The following PTPRR variants were observed in gnomAD, a reference collection of about 807,000 sequenced individuals.
PTPRR encodes the protein protein tyrosine phosphatase receptor type R.
In PTPRR, 38 loss-of-function variants were observed where a neutral mutation model predicts 77.2. The observed-to-expected ratio is 0.49, with a 90% CI of 0.38 to 0.65. PTPRR has a LOEUF of 0.65. PTPRR is among the 30% of genes least tolerant of loss of function. PTPRR has a pLI of 0.00. For synonymous variants in PTPRR, 299 were observed against 283.1 expected, an observed-to-expected ratio of 1.06 and a Z score of -0.57; for missense variants, 744 against 799.2, an observed-to-expected ratio of 0.93 and a Z score of 0.83.
chr12:70,769,211 A>G (rs1271538367), intron 2 of PTPRR, among the ~76,000 whole-genome samples: 1 of 150,146 alleles, frequency 6.7e-6, no homozygotes. Context: ...GAAAAGAGGA[A>G]GTCAAATTGT....
chr12:70,725,827 CTG>C lies in PTPRR; in HGVS notation c.1007+19989_1007+19990del, dbSNP rs1436592402. On this transcript the variant is annotated intron_variant, in intron 6 of 13. Transcript: ENST00000283228. ...GTCAAAGAGTTAAATATCTGGCTCT[CTG>C]AGACATACAGGCCAATATTTCTAGA... Among the ~76,000 whole-genome samples the C allele has an allele frequency of 3.9e-5, 6 of 152,268 alleles. No homozygotes were observed. In the East Asian group the frequency reaches 1.2e-3, roughly 29 times the overall value.
Position 70,884,691 on chromosome 12 carries a change from C to T in PTPRR, c.357+7988G>A, listed in dbSNP as rs187401607. 3.2e-3 allele frequency among the ~76,000 whole-genome samples: 470 copies of T among 148,190 alleles called. 1 individual carries two copies. Among genetic ancestry groups the T allele is most frequent in the Non-Finnish European group, 5.7e-3 (381 of 67,302 alleles). On this transcript the variant is annotated intron_variant, in intron 2 of 13. Transcript: ENST00000283228. ...GACCATCCTGGCTAACACGGTGAAA[C>T]CCCGTCTCTACTAAAAAATACAAAA...
At chr12:70,914,657 G>A (rs1167472137) in intron 1 of PTPRR, among the ~76,000 whole-genome samples, 2 of 152,066 alleles carry the variant, frequency 1.3e-5, no homozygotes, top group Non-Finnish European at 2.9e-5. Flanking sequence ...AAAAATAGTT[G>A]TATATAAGAT....
Position 70,784,280 on chromosome 12 carries a change from C to T in PTPRR, c.358-19502G>A, listed in dbSNP as rs189117350. Among the ~76,000 whole-genome samples, 18 of 152,324 alleles carry T rather than the reference C, an allele frequency of 1.2e-4. No homozygotes were observed. In the East Asian group the frequency reaches 3.5e-3, roughly 29 times the overall value. ...GTTGCACCTGGGGAGCTCCCACCTG[C>T]CAACTTGGAAGGGGCAGGGCTCCCG... is the stretch of plus-strand genomic sequence containing the variant. On this transcript the variant is annotated intron_variant, in intron 2 of 13. Coordinates refer to ENST00000283228, the MANE Select transcript of PTPRR (RefSeq NM_002849.4).
intron 5 of PTPRR, among the ~76,000 whole-genome samples, chr12:70,750,866 C>A (rs982057504): frequency 1.3e-5 from 2 of 151,810 alleles, no homozygotes; most frequent in Non-Finnish European, 2.9e-5. Flanking sequence ...GTAGCTGGGA[C>A]TACAGGCATG....
intron 10 of PTPRR, among the ~76,000 whole-genome samples, chr12:70,681,971 C>G (rs1264954477): frequency 1.3e-5 from 2 of 150,944 alleles, no homozygotes; most frequent in African/African-American, 4.9e-5. Context: ...ATAAGAAGGC[C>G]AGACTTAGGC....
intron 5 of PTPRR, among the ~76,000 whole-genome samples, chr12:70,751,793 A>G (rs143953046): frequency 1.3e-5 from 2 of 152,318 alleles, no homozygotes; most frequent in East Asian, 3.9e-4. Flanking sequence ...CGTTATTAAC[A>G]TCTTGCATTG....
chr12:70,760,314 G>A (rs1051772495), intron 4 of PTPRR, among the ~76,000 whole-genome samples: 2 of 152,112 alleles, frequency 1.3e-5, no homozygotes, highest in South Asian at 2.1e-4. Flanking sequence ...CACATTTTAC[G>A]TGTGGCTTTG....
chr12:70,908,041 A>AT (rs1893648343), intron 1 of PTPRR, among the ~76,000 whole-genome samples: 1 of 152,186 alleles, frequency 6.6e-6, no homozygotes. Flanking sequence ...GCTAAAATAT[A>AT]ATTGTTTTCA....
intron 12 of PTPRR, among the ~76,000 whole-genome samples, chr12:70,659,341 G>A (rs950330793): frequency 6.6e-6 from 1 of 152,130 alleles, no homozygotes; most frequent in Non-Finnish European, 1.5e-5. Flanking sequence ...ACATGGATGA[G>A]GTCAGAAGGG....
At chr12:70,878,159 C>A (rs1893084734) in intron 2 of PTPRR, among the ~76,000 whole-genome samples, 1 of 152,126 alleles carries the variant, frequency 6.6e-6, no homozygotes, top group Non-Finnish European at 1.5e-5. Flanking sequence ...AGACGAAAAC[C>A]TAGGCAATAC....
chr12:70,787,027 G>A (rs1891337639), intron 2 of PTPRR, among the ~76,000 whole-genome samples: 1 of 152,172 alleles, frequency 6.6e-6, no homozygotes, highest in South Asian at 2.1e-4. Flanking sequence ...TTTCCACAAT[G>A]TGTTATTTTA....
At chr12:70,856,503 G>T (rs558053836) in intron 2 of PTPRR, among the ~76,000 whole-genome samples, 1 of 152,234 alleles carries the variant, frequency 6.6e-6, no homozygotes, top group Admixed American at 6.5e-5. Context: ...ATTTTCAGGG[G>T]TAAGATGTTG....
chr12:70,771,512 C>T (rs1440993019), intron 2 of PTPRR, among the ~76,000 whole-genome samples: 3 of 151,944 alleles, frequency 2.0e-5, no homozygotes, highest in Admixed American at 6.6e-5. Context: ...GTTCCCATGT[C>T]GCAAACCTGC....
chr12:70,711,138 A>C (rs4760893), intron 6 of PTPRR, among the ~76,000 whole-genome samples: 120,525 of 151,872 alleles, frequency 0.79, 49,715 homozygotes, highest in East Asian at 1. Flanking sequence ...CGGAATCAAC[A>C]TAAATGCCCA....
intron 2 of PTPRR, 27 bp downstream of exon 2, chr12:70,892,652 T>G: frequency 6.2e-7 from 1 of 1,605,946 alleles, no homozygotes; most frequent in East Asian, 2.2e-5. Context: ...AACATCAGCC[T>G]CAGCATCAGT....
chr12:70,672,064 T>G, intron 10 of PTPRR: 3 of 1,320,662 alleles, frequency 2.3e-6, no homozygotes, highest in Non-Finnish European at 3.3e-6. Context: ...TGGAGAATGG[T>G]GGAAGGGTTA....
intron 2 of PTPRR, among the ~76,000 whole-genome samples, chr12:70,886,794 CTCAT>C (rs1391351136): frequency 6.6e-6 from 1 of 152,082 alleles, no homozygotes; most frequent in Non-Finnish European, 1.5e-5. Context: ...TTGGCATCAA[CTCAT>C]TCTTTCATCA....
intron 13 of PTPRR, among the ~76,000 whole-genome samples, chr12:70,655,499 T>C (rs1886542995): frequency 6.6e-6 from 1 of 152,352 alleles, no homozygotes; most frequent in Admixed American, 6.5e-5. Context: ...AACTGAAGTC[T>C]TCATCAATTG....
Sources: allele counts gnomAD v4.1 joint callset (sites outside exome capture counted in the v4.1 genomes callset), GRCh38; gene constraint gnomAD v4.1.1; transcripts MANE v1.5; gene names NCBI Gene and HGNC (gene_info 2026-07-23, HGNC 2026-07-21).